Variants in HCN1 observed in about 807,000 individuals in gnomAD.
HCN1 encodes potassium/sodium hyperpolarization-activated cyclic nucleotide-gated channel 1.
Under a neutral mutation model 78.9 loss-of-function variants are expected in HCN1, and 13 were observed. The ratio of observed to expected loss-of-function variants is 0.16; its 90% CI spans 0.11 to 0.26. The LOEUF is 0.26. HCN1 is among the 10% of genes least tolerant of loss of function. HCN1 has a pLI of 1.00. For synonymous variants in HCN1, 552 were observed against 455.5 expected, an observed-to-expected ratio of 1.21 and a Z score of -2.70; for missense variants, 810 against 1,154.3, an observed-to-expected ratio of 0.70 and a Z score of 4.32.
chr5:45,510,641 G>A (rs1174323018), intron 2 of HCN1, among the ~76,000 whole-genome samples: 1 of 151,976 alleles, frequency 6.6e-6, no homozygotes, highest in African/African-American at 2.4e-5. Context: ...TTTAAGTTTT[G>A]GCATCCCAGC....
intron 2 of HCN1, among the ~76,000 whole-genome samples, chr5:45,485,137 G>T (rs1357525185): frequency 6.6e-6 from 1 of 152,120 alleles, no homozygotes; most frequent in Admixed American, 6.5e-5. Context: ...TGCTAATGGG[G>T]GCGGAAAAAC....
At position 45,622,116 on chromosome 5, in the gene HCN1, G is replaced by A. The variant is rs949262306; in HGVS notation, c.849+23069C>T. On this transcript the variant is annotated intron_variant, in intron 2 of 7. Transcript: ENST00000303230. ...GGGCGCCTGTAGTCTCAGCTACGCA[G>A]GAGGCTGAGGCAGGAGAATGGCGTG... Among the ~76,000 whole-genome samples, 4 of 152,018 alleles carry A rather than the reference G, an allele frequency of 2.6e-5. No homozygotes were observed. The East Asian group carries it at 7.7e-4, about 29-fold the overall frequency.
chr5:45,507,799 T>A (rs1742339198), intron 2 of HCN1, among the ~76,000 whole-genome samples: 1 of 152,114 alleles, frequency 6.6e-6, no homozygotes, highest in Admixed American at 6.6e-5. Flanking sequence ...TTCTTATTAA[T>A]GAAAAATCTG....
intron 1 of HCN1, among the ~76,000 whole-genome samples, chr5:45,692,704 T>TG (rs1416914465): frequency 3.3e-5 from 5 of 151,612 alleles, no homozygotes. Context: ...TGGGCTCTGG[T>TG]GGGGAAAAGA....
chr5:45,642,045 T>C (rs778428696), intron 2 of HCN1: 1 of 152,164 alleles, frequency 6.6e-6, no homozygotes, highest in Non-Finnish European at 1.5e-5. Context: ...TAATAGTTTT[T>C]TAAAACCAAA....
intron 2 of HCN1, among the ~76,000 whole-genome samples, chr5:45,639,587 A>G (rs147861274): frequency 3.2e-4 from 48 of 152,330 alleles, no homozygotes; most frequent in East Asian, 1.5e-3. Context: ...AACCTCCAAT[A>G]TAATTGATAT....
chr5:45,594,225 T>C (rs1459841144), intron 2 of HCN1, among the ~76,000 whole-genome samples: 1 of 152,204 alleles, frequency 6.6e-6, no homozygotes, highest in Non-Finnish European at 1.5e-5. Context: ...TTTCCATTGC[T>C]TTTTCAGATG....
At chr5:45,334,546 C>A (rs1279474284) in intron 5 of HCN1, among the ~76,000 whole-genome samples, 1 of 151,786 alleles carries the variant, frequency 6.6e-6, no homozygotes, top group East Asian at 1.9e-4. Context: ...CCCATGTGTT[C>A]ATGTCTTGTT....
intron 5 of HCN1, among the ~76,000 whole-genome samples, chr5:45,320,118 C>T (rs189601948): frequency 6.6e-6 from 1 of 151,798 alleles, no homozygotes; most frequent in Non-Finnish European, 1.5e-5. Context: ...CCAACACACC[C>T]TATATTTTTA....
intron 5 of HCN1, among the ~76,000 whole-genome samples, chr5:45,331,281 C>T (rs1443370757): frequency 6.6e-6 from 1 of 151,074 alleles, no homozygotes; most frequent in African/African-American, 2.4e-5. Context: ...ACACTGGGTT[C>T]TTAAGTGTTT....
intron 5 of HCN1, among the ~76,000 whole-genome samples, chr5:45,318,176 C>A (rs749680861): frequency 6.6e-6 from 1 of 152,070 alleles, no homozygotes; most frequent in Non-Finnish European, 1.5e-5. Context: ...AAACGTCCAT[C>A]AATGATAGAC....
intron 2 of HCN1, among the ~76,000 whole-genome samples, chr5:45,624,594 A>G (rs565274995): frequency 5.3e-5 from 8 of 152,276 alleles, no homozygotes; most frequent in Middle Eastern, 3.4e-3. Context: ...ACAGGAAAAA[A>G]AAGTGAGTGG....
intron 2 of HCN1, among the ~76,000 whole-genome samples, chr5:45,536,782 G>T (rs1336810781): frequency 6.6e-6 from 1 of 152,012 alleles, no homozygotes; most frequent in Non-Finnish European, 1.5e-5. Flanking sequence ...AGAAAATCTG[G>T]ATTTTGTTAT....
chr5:45,550,840 T>C (rs1418687041), intron 2 of HCN1, among the ~76,000 whole-genome samples: 1 of 151,984 alleles, frequency 6.6e-6, no homozygotes, highest in Non-Finnish European at 1.5e-5. Flanking sequence ...TGCACTTGCT[T>C]AGAAGAGAAG....
intron 1 of HCN1, among the ~76,000 whole-genome samples, chr5:45,649,666 T>C (rs1220173306): frequency 6.6e-6 from 1 of 152,122 alleles, no homozygotes; most frequent in East Asian, 1.9e-4. Flanking sequence ...ATGTGTTTCT[T>C]CCATCATTAC....
chr5:45,588,729 T>C (rs1160278795), intron 2 of HCN1, among the ~76,000 whole-genome samples: 3 of 152,190 alleles, frequency 2.0e-5, no homozygotes, highest in Non-Finnish European at 4.4e-5. Flanking sequence ...AGGCCTTTCA[T>C]ACCTGTCAGC....
In HCN1 at chr5:45,513,380, T is replaced by A. The variant is rs145274289; in HGVS notation, c.850-51373A>T. On this transcript the variant is annotated intron_variant, in intron 2 of 7. Transcript: ENST00000303230. The stretch of plus-strand genomic sequence containing the variant: ...TGCAGGAAGGTATGAAAGAAATATG[T>A]AAAAAACACATTTTCCTCATGATAA... Among the ~76,000 whole-genome samples the A allele has an allele frequency of 6.0e-3, 908 of 152,204 alleles. 40 individuals carry two copies. The highest frequency in any genetic ancestry group is 0.056 in the Admixed American group (855 of 15,270).
intron 1 of HCN1, among the ~76,000 whole-genome samples, chr5:45,672,870 G>C (rs889567067): frequency 6.6e-6 from 1 of 151,082 alleles, no homozygotes; most frequent in Admixed American, 6.6e-5. Flanking sequence ...GAAAATAATA[G>C]AGTTCCCATA....
intron 3 of HCN1, among the ~76,000 whole-genome samples, chr5:45,413,620 A>G (rs1740065652): frequency 6.6e-6 from 1 of 152,066 alleles, no homozygotes; most frequent in South Asian, 2.1e-4. Context: ...TTTAGGTTGA[A>G]AACTTTCAGA....
Sources: gnomAD v4.1 joint callset for allele counts (sites outside exome capture counted in the v4.1 genomes callset) on GRCh38, gnomAD v4.1.1 for gene constraint, MANE v1.5 for transcripts, NCBI Gene and HGNC (gene_info 2026-07-23, HGNC 2026-07-21) for gene names.